The following RAB3C variants were observed in gnomAD, a reference collection of about 807,000 sequenced individuals.
The protein encoded by RAB3C is RAB3C, member RAS oncogene family.
A neutral mutation model predicts 26.4 loss-of-function variants in RAB3C; 17 were observed. The observed-to-expected ratio is 0.64, with a 90% CI of 0.44 to 0.97. RAB3C has a LOEUF of 0.97. Among genes scored for constraint, RAB3C ranks in the 50% least tolerant of loss-of-function variants. The pLI is 0.00. For missense variants in RAB3C, 242 were observed against 281.9 expected, an observed-to-expected ratio of 0.86 and a Z score of 1.01; for synonymous variants, 91 against 95.9, an observed-to-expected ratio of 0.95 and a Z score of 0.30.
chr5:58,715,239 T>C (rs542519296), intron 2 of RAB3C, among the ~76,000 whole-genome samples: 2 of 152,142 alleles, frequency 1.3e-5, no homozygotes, highest in South Asian at 4.1e-4. Context: ...CTTTTTTTTT[T>C]CTTCTTGAAG....
chr5:58,716,857 A>G (rs543664366), intron 2 of RAB3C, among the ~76,000 whole-genome samples: 1 of 152,014 alleles, frequency 6.6e-6, no homozygotes, highest in East Asian at 1.9e-4. Flanking sequence ...AGGGCAGTGA[A>G]ACTACTCCAT....
chr5:58,630,802 A>G (rs1747172029), intron 2 of RAB3C, among the ~76,000 whole-genome samples: 1 of 152,238 alleles, frequency 6.6e-6, no homozygotes, highest in African/African-American at 2.4e-5. Flanking sequence ...AGGCACTCAT[A>G]TAAATCATTA....
intron 3 of RAB3C, among the ~76,000 whole-genome samples, chr5:58,774,459 T>C (rs1742085646): frequency 6.6e-6 from 1 of 152,176 alleles, no homozygotes; most frequent in Non-Finnish European, 1.5e-5. Context: ...TAGTATGTCC[T>C]GAGCAACTTT....
chr5:58,824,289 C>T (rs1284838651), intron 3 of RAB3C, among the ~76,000 whole-genome samples: 1 of 151,706 alleles, frequency 6.6e-6, no homozygotes, highest in African/African-American at 2.4e-5. Flanking sequence ...AAAAAAATAC[C>T]CTGCAGAAGC....
chr5:58,592,914 A>C (rs1354265766), intron 1 of RAB3C, among the ~76,000 whole-genome samples: 1 of 152,130 alleles, frequency 6.6e-6, no homozygotes, highest in Non-Finnish European at 1.5e-5. Flanking sequence ...CAGATTGGCG[A>C]ATTGGATAAG....
chr5:58,825,655 G>A (rs938004524), intron 4 of RAB3C, among the ~76,000 whole-genome samples: 1 of 152,098 alleles, frequency 6.6e-6, no homozygotes, highest in African/African-American at 2.4e-5. Flanking sequence ...CATCTCTCCA[G>A]AATGAGTATC....
intron 2 of RAB3C, among the ~76,000 whole-genome samples, chr5:58,670,238 G>A (rs1748084963): frequency 6.6e-6 from 1 of 151,986 alleles, no homozygotes. Context: ...GGACCCTCTG[G>A]AAAAGTCTGT....
intron 2 of RAB3C, among the ~76,000 whole-genome samples, chr5:58,661,808 A>G (rs944866001): frequency 1.3e-5 from 2 of 149,100 alleles, no homozygotes; most frequent in African/African-American, 5.2e-5. Flanking sequence ...AGCTCACATG[A>G]TATTATTATG....
chr5:58,610,653 AT>A (rs200426328), intron 1 of RAB3C, among the ~76,000 whole-genome samples: 125 of 150,678 alleles, frequency 8.3e-4, no homozygotes, highest in Non-Finnish European at 1.4e-3. Flanking sequence ...GAATAATTGC[AT>A]TTTTTTTTGG....
intron 3 of RAB3C, among the ~76,000 whole-genome samples, chr5:58,817,510 G>T (rs1453300185): frequency 1.3e-5 from 2 of 151,890 alleles, no homozygotes; most frequent in East Asian, 1.9e-4. Context: ...CCTGTTTCTG[G>T]TTTCTTAGTA....
chr5:58,650,844 C>A (rs1388538402), intron 2 of RAB3C, among the ~76,000 whole-genome samples: 2 of 152,104 alleles, frequency 1.3e-5, no homozygotes, highest in Non-Finnish European at 2.9e-5. Context: ...CTTGTACATT[C>A]CGGTAAGAAA....
intron 2 of RAB3C, among the ~76,000 whole-genome samples, chr5:58,639,644 G>A (rs919742473): frequency 6.6e-6 from 1 of 152,072 alleles, no homozygotes; most frequent in Non-Finnish European, 1.5e-5. Context: ...ATGTCATCAC[G>A]CTGGGGATTA....
chr5:58,782,472 C>T (rs927212239), intron 3 of RAB3C, among the ~76,000 whole-genome samples: 1 of 152,132 alleles, frequency 6.6e-6, no homozygotes, highest in African/African-American at 2.4e-5. Flanking sequence ...AATGTGAATA[C>T]TCATTATGCC....
At chr5:58,728,407 C>A (rs1186073204) in intron 3 of RAB3C, among the ~76,000 whole-genome samples, 1 of 152,060 alleles carries the variant, frequency 6.6e-6, no homozygotes, top group Non-Finnish European at 1.5e-5. Flanking sequence ...CCTCTCCAAT[C>A]TATTGCTCTT....
At chr5:58,806,500 C>T (rs765358849) in intron 3 of RAB3C, among the ~76,000 whole-genome samples, 2 of 152,180 alleles carry the variant, frequency 1.3e-5, no homozygotes, top group Non-Finnish European at 2.9e-5. Flanking sequence ...AGATGAACCA[C>T]AAGCTCCCTG....
Position 58,851,414 on chromosome 5 carries a change from G to A in RAB3C, c.*63G>A, listed in dbSNP as rs1579953744. On this transcript the variant is annotated 3_prime_UTR_variant, in exon 5 of 5. Transcript: ENST00000282878. ...TTGCCAACAAACAGCATTTGTAAAT[G>A]GTCTATTAGCCTTCATTTATACTGC... 6.0e-6 allele frequency: 8 copies of A among 1,337,962 alleles called. No individual in the cohort carries two copies. In the South Asian group the frequency reaches 1.2e-4, roughly 20 times the overall value. The allele number at this position is 1,337,962 out of a possible 1,614,324, so 82.9% of individuals were successfully genotyped here. A position where few individuals can be genotyped will look rare whatever the true frequency, so the allele number is the denominator to read the frequency against.
intron 2 of RAB3C, among the ~76,000 whole-genome samples, chr5:58,640,580 A>G (rs1220281609): frequency 6.6e-6 from 1 of 152,222 alleles, no homozygotes; most frequent in Non-Finnish European, 1.5e-5. Flanking sequence ...ATTTATAATT[A>G]CTTCCATGAT....
rs1358216811 is a variant in RAB3C, at chr5:58,614,033, G to C, written c.25-3610G>C. ...CTCAGATGATGGATGCCATGAAAGG[G>C]ACATGGGATGGGTGGGAAGTTGCAC... On this transcript the variant is annotated intron_variant, in intron 1 of 4. Coordinates refer to ENST00000282878, the MANE Select transcript of RAB3C (RefSeq NM_138453.4). Among the ~76,000 whole-genome samples, 3 of 152,116 alleles carry C rather than the reference G, an allele frequency of 2.0e-5. No individual in the cohort carries two copies. The East Asian group carries it at 5.8e-4, about 29-fold the overall frequency.
intron 2 of RAB3C, among the ~76,000 whole-genome samples, chr5:58,692,332 A>T (rs1748587317): frequency 2.3e-5 from 3 of 131,446 alleles, no homozygotes. Flanking sequence ...GCAAATACAT[A>T]TTTGCTAGGA....
Sources: gnomAD v4.1 joint callset for allele counts (sites outside exome capture counted in the v4.1 genomes callset) on GRCh38, gnomAD v4.1.1 for gene constraint, MANE v1.5 for transcripts, NCBI Gene and HGNC (gene_info 2026-07-23, HGNC 2026-07-21) for gene names.